GRIP1: variants seen among roughly 807,000 people sequenced by gnomAD.
GRIP1 encodes glutamate receptor-interacting protein 1.
Under a neutral mutation model 129.9 loss-of-function variants are expected in GRIP1, and 45 were observed. The ratio of observed to expected loss-of-function variants is 0.35; its 90% CI spans 0.27 to 0.44. The LOEUF (loss-of-function observed/expected upper bound fraction) is 0.44. Among genes scored for constraint, GRIP1 ranks in the 20% least tolerant of loss-of-function variants. GRIP1 has a pLI of 1.00. For missense variants in GRIP1, 1,196 were observed against 1,396.8 expected (o/e 0.86, Z 2.29); for synonymous variants, 530 against 520.8 (o/e 1.02, Z -0.24).
At chr12:66,402,708 G>A (rs2057046847) in intron 16 of GRIP1, among the ~76,000 whole-genome samples, 1 of 152,134 alleles carries the variant, frequency 6.6e-6, no homozygotes, top group Non-Finnish European at 1.5e-5. Context: ...TTCTGGGGGT[G>A]GAGAATATAC....
chr12:66,857,070 G>T (rs2040018560), intron 1 of GRIP1, among the ~76,000 whole-genome samples: 1 of 152,144 alleles, frequency 6.6e-6, no homozygotes, highest in South Asian at 2.1e-4. Flanking sequence ...CGTGTCCTTT[G>T]TAGGGACATG....
At chr12:66,655,410 C>T (rs1233129166) in intron 1 of GRIP1, among the ~76,000 whole-genome samples, 1 of 152,028 alleles carries the variant, frequency 6.6e-6, no homozygotes, top group African/African-American at 2.4e-5. Flanking sequence ...ACATGTGCAG[C>T]CTCCCCCACT....
intron 9 of GRIP1, among the ~76,000 whole-genome samples, chr12:66,459,456 C>T (rs1157910014): frequency 5.9e-5 from 9 of 152,164 alleles, no homozygotes; most frequent in Admixed American, 3.3e-4. Flanking sequence ...GAATGCACTT[C>T]GGGATTCTAC....
At chr12:66,663,597 G>C (rs1263636037) in intron 1 of GRIP1, among the ~76,000 whole-genome samples, 1 of 151,544 alleles carries the variant, frequency 6.6e-6, no homozygotes, top group Non-Finnish European at 1.5e-5. Flanking sequence ...GGGTGAAGGA[G>C]TCCAATTCAA....
intron 2 of GRIP1, among the ~76,000 whole-genome samples, chr12:66,565,476 G>A (rs927528432): frequency 6.6e-6 from 1 of 152,106 alleles, no homozygotes; most frequent in African/African-American, 2.4e-5. Context: ...CTGTTCCATT[G>A]GTCTATATCT....
At chr12:66,608,964 TA>T (rs201704696) in intron 1 of GRIP1, among the ~76,000 whole-genome samples, 26 of 134,794 alleles carry the variant, frequency 1.9e-4, no homozygotes, top group South Asian at 1.6e-3. Context: ...TATTATATTA[TA>T]TATATATTTT....
chr12:67,069,018 C>CCCACCCCACCCCG, intron 1 of GRIP1: 1 of 588,236 alleles, frequency 1.7e-6, no homozygotes, highest in Non-Finnish European at 2.1e-6. Flanking sequence ...CGGACCCCTG[C>CCCACCCCACCCCG]CCTCCCTCCC....
At chr12:66,732,815 T>C (rs1036357993) in intron 1 of GRIP1, among the ~76,000 whole-genome samples, 7 of 152,182 alleles carry the variant, frequency 4.6e-5, no homozygotes, top group South Asian at 2.1e-4. Flanking sequence ...TTTCTGACTA[T>C]GCAAGAGGTC....
chr12:66,559,949 T>C (rs1272434869), intron 2 of GRIP1, among the ~76,000 whole-genome samples: 1 of 152,216 alleles, frequency 6.6e-6, no homozygotes, highest in South Asian at 2.1e-4. Flanking sequence ...CAAAACTGCA[T>C]GGTACTGGCA....
At chr12:66,362,902 G>A (rs1389377335) in intron 23 of GRIP1, among the ~76,000 whole-genome samples, 3 of 151,652 alleles carry the variant, frequency 2.0e-5, no homozygotes, top group Non-Finnish European at 2.9e-5. Flanking sequence ...AAACGTGGAT[G>A]GCAACTTGTA....
intron 1 of GRIP1, among the ~76,000 whole-genome samples, chr12:67,052,430 C>T (rs927628740): frequency 2.6e-5 from 4 of 152,032 alleles, no homozygotes; most frequent in Non-Finnish European, 5.9e-5. Flanking sequence ...TACTGGTGGC[C>T]CACTCTTGAC....
chr12:66,873,834 A>G (rs939554717), intron 1 of GRIP1, among the ~76,000 whole-genome samples: 14 of 152,084 alleles, frequency 9.2e-5, no homozygotes, highest in African/African-American at 3.1e-4. Flanking sequence ...TTTATAGATG[A>G]AAGATGGTGT....
At chr12:67,030,756 C>T (rs1252294) in intron 1 of GRIP1, among the ~76,000 whole-genome samples, 69,588 of 151,966 alleles carry the variant, frequency 0.46, 18,518 homozygotes, top group East Asian at 0.77. Flanking sequence ...ATTTATTTTA[C>T]CAAAAACATT....
At position 66,596,890 on chromosome 12, in the gene GRIP1, C is replaced by A; in HGVS notation, c.93G>T (p.Lys31Asn). The change falls in exon 2 of 25, where the codon AAG (lysine) becomes AAT (asparagine). Residue 31 changes from lysine to asparagine, a missense_variant. By Grantham distance (94) the Lys-to-Asn change is moderately conservative (BLOSUM62 0). Transcript: ENST00000359742. ...SPYTKSASQT[K>N]PPDGALAVRR... ...TCACAGCCAACGCTCCATCAGGCGG[C>A]TTTGTCTGGCTGGCGGATTTAGTGT... 6.2e-7 allele frequency: 1 copy of A among 1,613,724 alleles called. No individual in the cohort carries two copies. Among genetic ancestry groups the A allele is most frequent in the Non-Finnish European group, 8.5e-7 (1 of 1,179,634 alleles).
At chr12:66,406,244 G>A in intron 16 of GRIP1, 39 bp downstream of exon 16, 2 of 1,604,696 alleles carry the variant, frequency 1.2e-6, no homozygotes, top group Non-Finnish European at 1.7e-6. Flanking sequence ...CAGATGGGCA[G>A]TTCGAAAAAT....
At chr12:66,717,113 T>A (rs191406300) in intron 1 of GRIP1, among the ~76,000 whole-genome samples, 1 of 152,236 alleles carries the variant, frequency 6.6e-6, no homozygotes, top group East Asian at 1.9e-4. Context: ...TCTCTTCTGT[T>A]ACCCTAGAAA....
intron 1 of GRIP1, among the ~76,000 whole-genome samples, chr12:66,735,760 A>T (rs1356267153): frequency 6.6e-6 from 1 of 152,202 alleles, no homozygotes; most frequent in Non-Finnish European, 1.5e-5. Flanking sequence ...ATCGATCATA[A>T]GTGGCGGGAC....
chr12:66,870,372 T>C (rs1015471235), intron 1 of GRIP1, among the ~76,000 whole-genome samples: 1 of 152,026 alleles, frequency 6.6e-6, no homozygotes, highest in Non-Finnish European at 1.5e-5. Flanking sequence ...TTGAAAAAAA[T>C]AGGTTTAAGA....
At chr12:66,965,586 TGTGTGTGTGTGA>T in intron 1 of GRIP1, among the ~76,000 whole-genome samples, 1 of 135,798 alleles carries the variant, frequency 7.4e-6, no homozygotes, top group East Asian at 1.9e-4. Context: ...TGTGTGTGTG[TGTGTGTGTGTGA>T]GATATTATTA....
Sources: gnomAD v4.1 joint callset for allele counts (sites outside exome capture counted in the v4.1 genomes callset) on GRCh38, gnomAD v4.1.1 for gene constraint, MANE v1.5 for transcripts, NCBI Gene and HGNC (gene_info 2026-07-23, HGNC 2026-07-21) for gene names.